Variants in NUP205 observed in about 807,000 individuals in gnomAD.
The protein encoded by NUP205 is nucleoporin 205, also known as nuclear pore complex protein Nup205.
A neutral mutation model predicts 253.8 loss-of-function variants in NUP205; 76 were observed. That is an observed-to-expected ratio of 0.30 (90% CI 0.25 to 0.36). NUP205 has a LOEUF of 0.36. NUP205 is among the 10% of genes least tolerant of loss of function. NUP205 has a pLI of 1.00. For synonymous variants in NUP205, 832 were observed against 850.1 expected (o/e 0.98, Z 0.37); for missense variants, 2,162 against 2,425.5 (o/e 0.89, Z 2.28).
intron 22 of NUP205, 134 bp downstream of exon 22, chr7:135,607,505 A>G: frequency 4.1e-6 from 4 of 971,668 alleles, no homozygotes; most frequent in Non-Finnish European, 5.8e-6. Context: ...CCTGTCTTTC[A>G]TTTGTGGATA....
chr7:135,585,099 T>TA, intron 8 of NUP205, 92 bp downstream of exon 8: 1 of 1,088,266 alleles, frequency 9.2e-7, no homozygotes, highest in Non-Finnish European at 1.3e-6. Context: ...TGGAAACTAA[T>TA]AAAAATTTTT....
At chr7:135,558,130 G>T in intron 1 of NUP205, 158 bp downstream of exon 1, 2 of 683,652 alleles carry the variant, frequency 2.9e-6, no homozygotes. Flanking sequence ...TCCCCAGTTT[G>T]AATGGCGCGC....
Position 135,557,961 on chromosome 7 carries a change from C to T in NUP205, c.17C>T (p.Ala6Val). The T allele has an allele frequency of 1.2e-6, 2 of 1,613,466 alleles. No individual in the cohort carries two copies. Among genetic ancestry groups the T allele is most frequent in the Non-Finnish European group, 1.7e-6 (2 of 1,179,390 alleles). MATPL[A>V]VNSAASLWGP... is the part of the protein sequence containing the mutation. ...GCCTCTAAGATGGCGACGCCTTTGG[C>T]GGTAAATTCGGGTAAGTGTGGCCAG... The change falls in exon 1 of 43, where the codon GCG becomes GTG. Residue 6 changes from alanine (A) to valine (V), a missense_variant. By Grantham distance (64) the Ala-to-Val change is moderately conservative. Coordinates refer to ENST00000285968, the MANE Select transcript of NUP205 (RefSeq NM_015135.3).
intron 10 of NUP205, 106 bp downstream of exon 10, chr7:135,588,098 C>T (rs1331884156): frequency 4.4e-6 from 4 of 914,736 alleles, no homozygotes. Flanking sequence ...CACAAATGAT[C>T]ACTAGTGTAA....
chr7:135,600,981 C>T lies in NUP205; in HGVS notation c.2374+12C>T, dbSNP rs749359020. ...TGTGGAACTACAAGGTAATTTAATT[C>T]TGTCACTTTCAAACAAGTTGTCAAC... On this transcript the variant is annotated intron_variant, in intron 16 of 42. Transcript: ENST00000285968. The T allele has an allele frequency of 2.1e-6, 3 of 1,436,758 alleles. No homozygotes were observed. The highest frequency in any genetic ancestry group is 2.9e-6 in the Non-Finnish European group (3 of 1,023,932). The allele number at this position is 1,436,758 out of a possible 1,614,324, so 89.0% of individuals were successfully genotyped here. A position where few individuals can be genotyped will look rare whatever the true frequency, so the allele number is the denominator to read the frequency against.
intron 1 of NUP205, among the ~76,000 whole-genome samples, chr7:135,558,629 A>G (rs867275813): frequency 6.6e-6 from 1 of 152,142 alleles, no homozygotes; most frequent in African/African-American, 2.4e-5. Context: ...GTGATTCTCA[A>G]TTCGGGCCGT....
chr7:135,596,823 G>A (rs1448626800), intron 13 of NUP205, among the ~76,000 whole-genome samples: 1 of 151,818 alleles, frequency 6.6e-6, no homozygotes, highest in Non-Finnish European at 1.5e-5. Context: ...TGGGCATGGT[G>A]GCGCACGTCT....
intron 7 of NUP205, 77 bp downstream of exon 7, chr7:135,578,992 C>T (rs1181258052): frequency 2.5e-5 from 28 of 1,127,092 alleles, no homozygotes; most frequent in Non-Finnish European, 3.5e-5. Flanking sequence ...GGAGTATTAT[C>T]TTTGACATAC....
Position 135,578,749 on chromosome 7 carries a change from A to G in NUP205, c.878-2A>G. On this transcript the variant is annotated splice_acceptor_variant, in intron 6 of 42. Coordinates refer to ENST00000285968, the MANE Select transcript of NUP205 (RefSeq NM_015135.3). LOFTEE classifies it high-confidence loss of function. ...TAAAGTGGTCTATTTTTGTGTTTTC[A>G]GATATGATTCATCAACTTCCACTGT... 1 of 1,586,158 alleles carries G rather than the reference A, an allele frequency of 6.3e-7. No homozygotes were observed. The highest frequency in any genetic ancestry group is 1.8e-5 in the Admixed American group (1 of 54,402).
intron 38 of NUP205, among the ~76,000 whole-genome samples, chr7:135,641,078 A>C (rs1304154830): frequency 1.3e-5 from 2 of 152,128 alleles, no homozygotes; most frequent in Non-Finnish European, 2.9e-5. Context: ...AGGGGCCACC[A>C]TGGGGGGATT....
At position 135,637,955 on chromosome 7, in the gene NUP205, C is replaced by T. The variant is rs753676878; in HGVS notation, c.5161C>T (p.Arg1721Cys). The change falls in exon 37 of 43, where the codon CGC becomes TGC. Residue 1721 changes from arginine to cysteine, a missense_variant. Coordinates refer to ENST00000285968, the MANE Select transcript of NUP205 (RefSeq NM_015135.3). ...FQRQCLGLLS[R>C]FGGSDRLRQF... ...GCGCCAGTGCTTAGGACTACTAAGT[C>T]GCTTTGGTGGCTCTGACAGACTGCG... The T allele has an allele frequency of 5.0e-6, 8 of 1,613,760 alleles. No homozygotes were observed. The highest frequency in any genetic ancestry group is 1.1e-5 in the South Asian group (1 of 91,024).
intron 28 of NUP205, 53 bp from the exon 29 acceptor site, chr7:135,619,370 A>G: frequency 6.4e-7 from 1 of 1,553,870 alleles, no homozygotes; most frequent in Non-Finnish European, 8.7e-7. Flanking sequence ...AAATTTGTTA[A>G]TGATTATAGC....
intron 31 of NUP205, among the ~76,000 whole-genome samples, chr7:135,623,843 C>T (rs1045086950): frequency 1.3e-5 from 2 of 152,140 alleles, no homozygotes; most frequent in Non-Finnish European, 2.9e-5. Context: ...AGTGTAGTGG[C>T]GCAATCTCGG....
intron 15 of NUP205, among the ~76,000 whole-genome samples, chr7:135,600,491 C>G (rs992936021): frequency 6.6e-6 from 1 of 152,240 alleles, no homozygotes; most frequent in African/African-American, 2.4e-5. Context: ...TTCTCAGATT[C>G]TTTGCAGGCA....
intron 7 of NUP205, 62 bp from the exon 8 acceptor site, chr7:135,584,770 A>G: frequency 2.1e-6 from 3 of 1,402,774 alleles, no homozygotes; most frequent in South Asian, 2.4e-5. Context: ...ATTATGAGAT[A>G]TAATTACAAT....
At chr7:135,592,442 A>T (rs1806654246) in intron 11 of NUP205, among the ~76,000 whole-genome samples, 1 of 152,260 alleles carries the variant, frequency 6.6e-6, no homozygotes, top group African/African-American at 2.4e-5. Flanking sequence ...CTTTACATTT[A>T]CATGGGCAGT....
chr7:135,571,906 C>G (rs1311544475), intron 2 of NUP205, among the ~76,000 whole-genome samples: 1 of 152,118 alleles, frequency 6.6e-6, no homozygotes, highest in African/African-American at 2.4e-5. Context: ...TTGCTCTGTC[C>G]TCCAGACTGG....
intron 27 of NUP205, 62 bp downstream of exon 27, chr7:135,617,744 G>C: frequency 2.0e-6 from 2 of 1,013,222 alleles, no homozygotes; most frequent in South Asian, 2.8e-5. Context: ...CTGGTGAAAA[G>C]ACTAAAATAG....
Position 135,606,253 on chromosome 7 carries a change from C to T in NUP205, c.2905+27C>T, listed in dbSNP as rs73725182. ...TATGCCTTAGATTAATGTGCATACA[C>T]GCATTCTTTTACTTTTTATATATGC... On this transcript the variant is annotated intron_variant, in intron 20 of 42. Transcript: ENST00000285968. 204,485 of 1,381,218 alleles carry T rather than the reference C, an allele frequency of 0.15. 16,545 individuals carry two copies. The highest frequency in any genetic ancestry group is 0.2 in the East Asian group (8,931 of 43,602). 85.6% of individuals were successfully genotyped at this position (1,381,218 alleles called of 1,614,324 possible).
Sources: allele counts gnomAD v4.1 joint callset (sites outside exome capture counted in the v4.1 genomes callset), GRCh38; gene constraint gnomAD v4.1.1; transcripts MANE v1.5; gene names NCBI Gene and HGNC (gene_info 2026-07-23, HGNC 2026-07-21).